The following GPC6 variants were observed in gnomAD, a reference collection of about 807,000 sequenced individuals.
GPC6 encodes the protein glypican-6.
Under a neutral mutation model 55.2 loss-of-function variants are expected in GPC6, and 14 were observed. The ratio of observed to expected loss-of-function variants is 0.25; its 90% CI spans 0.17 to 0.40. The LOEUF is 0.40. GPC6 is among the 10% of genes least tolerant of loss of function. The probability of loss-of-function intolerance (pLI) is 1.00; values close to 1 mark genes in which losing one functional copy is unlikely to be tolerated. For synonymous variants in GPC6, 278 were observed against 259.6 expected (o/e 1.07, Z -0.68); for missense variants, 641 against 708.5 (o/e 0.90, Z 1.08).
At chr13:93,779,691 C>G (rs1158284079) in intron 2 of GPC6, among the ~76,000 whole-genome samples, 1 of 152,118 alleles carries the variant, frequency 6.6e-6, no homozygotes, top group African/African-American at 2.4e-5. Context: ...CCAGTTATCA[C>G]TGTCTCTTTT....
intron 1 of GPC6, among the ~76,000 whole-genome samples, chr13:93,352,491 T>C (rs1242479255): frequency 6.6e-6 from 1 of 152,176 alleles, no homozygotes; most frequent in Admixed American, 6.5e-5. Flanking sequence ...ATTTTACGAA[T>C]TTTGTTGTGC....
At chr13:94,107,701 A>T (rs1159110982) in intron 4 of GPC6, among the ~76,000 whole-genome samples, 1 of 152,070 alleles carries the variant, frequency 6.6e-6, no homozygotes, top group Admixed American at 6.6e-5. Flanking sequence ...GAAAAAAACA[A>T]ACAATCCCAT....
intron 4 of GPC6, among the ~76,000 whole-genome samples, chr13:94,215,400 C>T (rs1890196748): frequency 6.6e-6 from 1 of 152,022 alleles, no homozygotes; most frequent in Non-Finnish European, 1.5e-5. Context: ...ACACACTTGC[C>T]CTAAAATAAT....
chr13:94,250,649 T>C (rs1891320242), intron 4 of GPC6, among the ~76,000 whole-genome samples: 1 of 152,148 alleles, frequency 6.6e-6, no homozygotes, highest in Non-Finnish European at 1.5e-5. Context: ...TGAAGGAGAC[T>C]TGATTACAAC....
At chr13:94,401,649 T>G (rs1209353461) in intron 8 of GPC6, among the ~76,000 whole-genome samples, 1 of 31,726 alleles carries the variant, frequency 3.2e-5, no homozygotes, top group Non-Finnish European at 5.7e-5. Flanking sequence ...AACGTGATAA[T>G]ATGTATGTGA....
intron 4 of GPC6, among the ~76,000 whole-genome samples, chr13:94,171,317 C>T (rs2138929837): frequency 6.6e-6 from 1 of 152,272 alleles, no homozygotes; most frequent in South Asian, 2.1e-4. Flanking sequence ...GATTTTAGAC[C>T]TACTTTTTAT....
At chr13:94,249,145 CT>C (rs1044143264) in intron 4 of GPC6, among the ~76,000 whole-genome samples, 11 of 152,064 alleles carry the variant, frequency 7.2e-5, no homozygotes, top group Non-Finnish European at 1.0e-4. Flanking sequence ...TAAAAGTAGT[CT>C]CAGCAACTGT....
chr13:94,270,470 G>A (rs151225375), intron 4 of GPC6, among the ~76,000 whole-genome samples: 1 of 152,144 alleles, frequency 6.6e-6, no homozygotes, highest in African/African-American at 2.4e-5. Flanking sequence ...AAAACAAAGG[G>A]TAAACATTGC....
chr13:94,326,186 G>A (rs956063101), intron 6 of GPC6, among the ~76,000 whole-genome samples: 1 of 143,434 alleles, frequency 7.0e-6, no homozygotes, highest in South Asian at 2.3e-4. Flanking sequence ...CTAAGATCAG[G>A]TATTTTTGGT....
At chr13:94,371,575 C>T (rs1350614289) in intron 6 of GPC6, among the ~76,000 whole-genome samples, 3 of 152,244 alleles carry the variant, frequency 2.0e-5, no homozygotes, top group East Asian at 1.9e-4. Flanking sequence ...ATCGAATGCA[C>T]GTGAGGGCCT....
chr13:94,307,983 T>C (rs1239009137), intron 6 of GPC6, among the ~76,000 whole-genome samples: 1 of 152,164 alleles, frequency 6.6e-6, no homozygotes, highest in East Asian at 1.9e-4. Flanking sequence ...CAGCTAACAA[T>C]AGTGTATTGT....
chr13:94,007,416 A>G (rs1882066157), intron 3 of GPC6, among the ~76,000 whole-genome samples: 1 of 152,176 alleles, frequency 6.6e-6, no homozygotes, highest in African/African-American at 2.4e-5. Flanking sequence ...GAACACATGG[A>G]TATTGATAGA....
intron 1 of GPC6, among the ~76,000 whole-genome samples, chr13:93,249,380 T>C (rs1876710363): frequency 6.6e-6 from 1 of 152,248 alleles, no homozygotes; most frequent in Admixed American, 6.5e-5. Flanking sequence ...GTATCCTTTC[T>C]GCCTTTGGCT....
chr13:93,594,852 T>C (rs555470708), intron 2 of GPC6, among the ~76,000 whole-genome samples: 2 of 151,532 alleles, frequency 1.3e-5, no homozygotes, highest in Non-Finnish European at 1.5e-5. Flanking sequence ...TGGGCCTGTT[T>C]TAGAAGTGCA....
At chr13:93,328,438 C>A (rs1240694288) in intron 1 of GPC6, among the ~76,000 whole-genome samples, 1 of 152,084 alleles carries the variant, frequency 6.6e-6, no homozygotes, top group East Asian at 1.9e-4. Flanking sequence ...TTTTGGGAGA[C>A]TGAGGCACAA....
chr13:93,765,259 A>AGCTGTCTGGAAAGACAACTTTCCAGATAT, intron 2 of GPC6, among the ~76,000 whole-genome samples: 3 of 78,674 alleles, frequency 3.8e-5, no homozygotes, highest in Admixed American at 1.2e-4. Flanking sequence ...TTTCCAGATA[A>AGCTGTCTGGAAAGACAACTTTCCAGATAT]GCTGTCTGGA....
intron 3 of GPC6, among the ~76,000 whole-genome samples, chr13:94,012,885 C>A (rs947742710): frequency 6.6e-6 from 1 of 152,192 alleles, no homozygotes; most frequent in African/African-American, 2.4e-5. Context: ...TTTAAACTCA[C>A]TGCTAAAATG....
At chr13:94,242,956 A>G (rs917254316) in intron 4 of GPC6, among the ~76,000 whole-genome samples, 3 of 152,072 alleles carry the variant, frequency 2.0e-5, no homozygotes, top group Admixed American at 6.6e-5. Context: ...CTAAAAAAAA[A>G]AAAAAGTACC....
At chr13:94,097,462 G>A (rs1447416152) in intron 4 of GPC6, among the ~76,000 whole-genome samples, 1 of 140,126 alleles carries the variant, frequency 7.1e-6, no homozygotes, top group African/African-American at 2.6e-5. Flanking sequence ...AGCGGAGATC[G>A]CGCCACTGCG....
Sources: allele counts gnomAD v4.1 joint callset (sites outside exome capture counted in the v4.1 genomes callset), GRCh38; gene constraint gnomAD v4.1.1; transcripts MANE v1.5; gene names NCBI Gene and HGNC (gene_info 2026-07-23, HGNC 2026-07-21).